GRID2: variants seen among roughly 807,000 people sequenced by gnomAD.
GRID2 encodes the protein glutamate receptor ionotropic, delta-2.
Under a neutral mutation model 114.8 loss-of-function variants are expected in GRID2, and 33 were observed. The observed-to-expected ratio is 0.29, with a 90% CI of 0.22 to 0.38. The LOEUF (loss-of-function observed/expected upper bound fraction) is 0.38, where lower values mean the gene tolerates loss of function less well. GRID2 is among the 10% of genes least tolerant of loss of function. GRID2 has a pLI of 1.00. For missense variants in GRID2, 1,184 were observed against 1,257.7 expected, an observed-to-expected ratio of 0.94 and a Z score of 0.89; for synonymous variants, 505 against 449.9, an observed-to-expected ratio of 1.12 and a Z score of -1.55.
intron 3 of GRID2, among the ~76,000 whole-genome samples, chr4:93,091,338 C>G (rs376806930): frequency 6.6e-6 from 1 of 152,012 alleles, no homozygotes; most frequent in Non-Finnish European, 1.5e-5. Flanking sequence ...AGACTTATTT[C>G]TAAGAATAAA....
intron 2 of GRID2, among the ~76,000 whole-genome samples, chr4:92,649,332 T>A (rs1731812225): frequency 6.6e-6 from 1 of 150,410 alleles, no homozygotes. Context: ...GGCAATGTTG[T>A]AACTCCAAGC....
At chr4:93,044,466 G>T (rs964347685) in intron 2 of GRID2, among the ~76,000 whole-genome samples, 1 of 151,906 alleles carries the variant, frequency 6.6e-6, no homozygotes, top group Non-Finnish European at 1.5e-5. Flanking sequence ...TAGGAAAGAA[G>T]AAATCTTTTT....
intron 14 of GRID2, among the ~76,000 whole-genome samples, chr4:93,717,613 G>T: frequency 6.6e-6 from 1 of 151,996 alleles, no homozygotes. Context: ...TTTTTTGTGT[G>T]TATTTTCGTC....
intron 8 of GRID2, among the ~76,000 whole-genome samples, chr4:93,259,999 A>G (rs1486653061): frequency 2.0e-5 from 3 of 151,862 alleles, no homozygotes; most frequent in East Asian, 1.9e-4. Flanking sequence ...CTTAGTTTTC[A>G]TGGGAAGACT....
intron 2 of GRID2, among the ~76,000 whole-genome samples, chr4:92,736,455 G>A (rs1736603084): frequency 6.6e-6 from 1 of 152,054 alleles, no homozygotes. Context: ...CACAGTAGCA[G>A]TAGGAAAATC....
chr4:92,822,090 TTGC>T lies in GRID2; in HGVS notation c.244+231808_244+231810del, dbSNP rs1741322768. 3.1e-5 allele frequency: 10 copies of T among 317,940 alleles called. 1 individual carries two copies. The Admixed American group carries it at 4.4e-4, about 14-fold the overall frequency. The allele number at this position is 317,940 out of a possible 1,614,324, so 19.7% of individuals were successfully genotyped here. ...AGAGGTGCAATGGGGAGTCTCTGCCTTGCTGCAGATTCCGATAACTTCTTGCTT... is the reference window on the plus strand; with the variant it reads ...AGAGGTGCAATGGGGAGTCTCTGCCTTGCAGATTCCGATAACTTCTTGCTT... On this transcript the variant is annotated intron_variant, in intron 2 of 15. Transcript: ENST00000282020.
chr4:92,346,160 C>A (rs1210472966), intron 1 of GRID2, among the ~76,000 whole-genome samples: 1 of 152,174 alleles, frequency 6.6e-6, no homozygotes, highest in East Asian at 1.9e-4. Context: ...TCAGCAGCAG[C>A]AACAGCTATT....
At chr4:92,433,487 C>T (rs1164622654) in intron 1 of GRID2, among the ~76,000 whole-genome samples, 1 of 152,192 alleles carries the variant, frequency 6.6e-6, no homozygotes, top group Non-Finnish European at 1.5e-5. Context: ...CTGTGGGTGC[C>T]AGCTGAATTT....
chr4:93,014,683 T>C (rs1578754440), intron 2 of GRID2, among the ~76,000 whole-genome samples: 1 of 152,162 alleles, frequency 6.6e-6, no homozygotes, highest in Admixed American at 6.6e-5. Context: ...TGGCTTATGG[T>C]CAAATGTAAT....
intron 2 of GRID2, among the ~76,000 whole-genome samples, chr4:92,608,305 A>G (rs535889074): frequency 1.3e-5 from 2 of 151,964 alleles, no homozygotes; most frequent in Admixed American, 1.3e-4. Context: ...TAATAAAGAC[A>G]TTAATAAAGA....
intron 13 of GRID2, among the ~76,000 whole-genome samples, chr4:93,592,140 T>C (rs574615365): frequency 1.4e-4 from 22 of 152,312 alleles, no homozygotes; most frequent in Non-Finnish European, 2.9e-4. Flanking sequence ...TTCTTTTAAT[T>C]GTGATGTTAG....
intron 1 of GRID2, among the ~76,000 whole-genome samples, chr4:92,399,797 A>G (rs1448747639): frequency 1.3e-5 from 2 of 152,080 alleles, no homozygotes; most frequent in Non-Finnish European, 2.9e-5. Flanking sequence ...TATTTTAAAG[A>G]TATATCTCAA....
chr4:92,676,568 C>T (rs6812161), intron 2 of GRID2, among the ~76,000 whole-genome samples: 55,827 of 151,872 alleles, frequency 0.37, 10,422 homozygotes, highest in East Asian at 0.43. Flanking sequence ...TTGAAGTTCA[C>T]TGTTGATTCA....
At chr4:93,227,679 C>G (rs1022598638) in intron 7 of GRID2, among the ~76,000 whole-genome samples, 2 of 152,190 alleles carry the variant, frequency 1.3e-5, no homozygotes, top group Non-Finnish European at 2.9e-5. Context: ...CAGGCAGAAG[C>G]CTGAATGCTC....
chr4:93,524,823 G>GTGTATATA (rs1486787585), intron 13 of GRID2, among the ~76,000 whole-genome samples: 20 of 59,920 alleles, frequency 3.3e-4, no homozygotes, highest in Non-Finnish European at 5.0e-4. Context: ...ATGTATGTAT[G>GTGTATATA]TATATATATA....
intron 2 of GRID2, among the ~76,000 whole-genome samples, chr4:92,779,451 C>A (rs1738967225): frequency 6.6e-6 from 1 of 151,978 alleles, no homozygotes; most frequent in South Asian, 2.1e-4. Context: ...TTAATAACAG[C>A]AATTTAACTA....
chr4:93,708,216 G>A (rs7659517), intron 14 of GRID2, among the ~76,000 whole-genome samples: 79,495 of 151,752 alleles, frequency 0.52, 21,192 homozygotes, highest in East Asian at 0.74. Context: ...TCATAGTGCA[G>A]ACTAGTGTGA....
intron 10 of GRID2, among the ~76,000 whole-genome samples, chr4:93,446,697 G>A (rs1361429648): frequency 1.8e-4 from 27 of 151,916 alleles, no homozygotes; most frequent in Non-Finnish European, 8.8e-5. Context: ...GAAATTGTAA[G>A]TTTGAATTTC....
intron 14 of GRID2, among the ~76,000 whole-genome samples, chr4:93,736,547 C>T (rs945498593): frequency 6.6e-6 from 1 of 152,018 alleles, no homozygotes; most frequent in Non-Finnish European, 1.5e-5. Context: ...GGTAAGCCTG[C>T]TTACATTGTC....
Sources: allele counts gnomAD v4.1 joint callset (sites outside exome capture counted in the v4.1 genomes callset), GRCh38; gene constraint gnomAD v4.1.1; transcripts MANE v1.5; gene names NCBI Gene and HGNC (gene_info 2026-07-23, HGNC 2026-07-21).